Variants in JMJD1C observed in about 807,000 individuals in gnomAD.
JMJD1C encodes the protein jumonji domain containing 1C.
A neutral mutation model predicts 245.3 loss-of-function variants in JMJD1C; 31 were observed. The observed-to-expected ratio is 0.13, with a 90% confidence interval of 0.09 to 0.17. The LOEUF (loss-of-function observed/expected upper bound fraction) is 0.17. Ranked by LOEUF, JMJD1C falls within the 10% of genes least tolerant of loss-of-function variation. The probability of loss-of-function intolerance (pLI) is 1.00; values close to 1 mark genes in which losing one functional copy is unlikely to be tolerated. For missense variants in JMJD1C, 2,691 were observed against 3,000.2 expected (o/e 0.90, Z 2.41); for synonymous variants, 1,057 against 1,017.4 (o/e 1.04, Z -0.74).
intron 3 of JMJD1C, among the ~76,000 whole-genome samples, chr10:63,254,563 AAG>A (rs1853582119): frequency 6.6e-6 from 1 of 152,114 alleles, no homozygotes; most frequent in South Asian, 2.1e-4. Context: ...TTTTTGAGAC[AAG>A]AGTCTCACTT....
chr10:63,404,479 G>A (rs1009198641), intron 1 of JMJD1C, among the ~76,000 whole-genome samples: 41 of 151,980 alleles, frequency 2.7e-4, no homozygotes, highest in Non-Finnish European at 1.5e-4. Flanking sequence ...CCTGAACTCC[G>A]GGGGATCCTT....
intron 1 of JMJD1C, among the ~76,000 whole-genome samples, chr10:63,442,066 G>A (rs1315540837): frequency 6.6e-6 from 1 of 152,160 alleles, no homozygotes; most frequent in East Asian, 1.9e-4. Flanking sequence ...GAGGTAACTG[G>A]TGAGATCTTC....
rs549864004 is a variant in JMJD1C, at chr10:63,457,325, T to C, written c.168+8170A>G. ...TGAAACTTCAAATTAAATCTCAAAA[T>C]GGCAGCTGGTTTCACATGAAGATAA... is the stretch of plus-strand genomic sequence containing the variant. On this transcript the variant is annotated intron_variant, in intron 1 of 25. Coordinates refer to ENST00000399262, the MANE Select transcript of JMJD1C (RefSeq NM_032776.3). Among the ~76,000 whole-genome samples, 48 of 152,292 alleles carry C rather than the reference T, an allele frequency of 3.2e-4. No individual in the cohort carries two copies. The South Asian group carries it at 9.9e-3, about 32-fold the overall frequency.
At chr10:63,353,128 A>G (rs1589558839) in intron 2 of JMJD1C, among the ~76,000 whole-genome samples, 1 of 152,252 alleles carries the variant, frequency 6.6e-6, no homozygotes, top group South Asian at 2.1e-4. Context: ...AATCAAGACC[A>G]TGGGTGTAGA....
At chr10:63,480,112 T>C (rs1255740081) in intron 1 of JMJD1C, among the ~76,000 whole-genome samples, 3 of 152,206 alleles carry the variant, frequency 2.0e-5, no homozygotes, top group Non-Finnish European at 4.4e-5. Context: ...AGAATTACAC[T>C]ATATAGTTAG....
chr10:63,500,472 G>A (rs927012615), intron 1 of JMJD1C, among the ~76,000 whole-genome samples: 3 of 150,948 alleles, frequency 2.0e-5, no homozygotes, highest in South Asian at 2.1e-4. Flanking sequence ...GGTGGCTCAC[G>A]CCTGTAATCC....
rs17850267 is a variant in JMJD1C, at chr10:63,465,726, C to T, written c.-64G>A. ...CGAGGGAACCGATGAAACCTCACTC[C>T]TACCGGCCGCTCATGCTGAGGAGAG... On this transcript the variant is annotated 5_prime_UTR_variant, in exon 1 of 26. The change abolishes the stop of an existing upstream ORF in the 5' untranslated region. Transcript: ENST00000399262. 6.4e-7 allele frequency: 1 copy of T among 1,570,670 alleles called. No homozygotes were observed. The highest frequency in any genetic ancestry group is 8.7e-7 in the Non-Finnish European group (1 of 1,155,818).
At chr10:63,190,794 G>C (rs1844706267) in intron 17 of JMJD1C, 100 bp downstream of exon 17, 2 of 829,858 alleles carry the variant, frequency 2.4e-6, no homozygotes, top group South Asian at 1.5e-5. Flanking sequence ...TGGTACACTT[G>C]ATTTCATCAG....
intron 3 of JMJD1C, among the ~76,000 whole-genome samples, chr10:63,256,326 T>C (rs765916838): frequency 2.6e-5 from 4 of 152,140 alleles, no homozygotes; most frequent in Non-Finnish European, 5.9e-5. Context: ...ACTGGGGTAA[T>C]TTATGGGACC....
At chr10:63,298,741 C>CT (rs1241976937) in intron 2 of JMJD1C, among the ~76,000 whole-genome samples, 11 of 151,454 alleles carry the variant, frequency 7.3e-5, no homozygotes, top group East Asian at 1.9e-4. Context: ...TCATTCTAAT[C>CT]TTTTTTTTTA....
At chr10:63,448,354 A>T (rs909535508) in intron 1 of JMJD1C, among the ~76,000 whole-genome samples, 1 of 152,024 alleles carries the variant, frequency 6.6e-6, no homozygotes, top group Non-Finnish European at 1.5e-5. Context: ...GCGAGGTTTC[A>T]TCATGTTGGC....
chr10:63,277,765 T>A (rs1856964087), intron 2 of JMJD1C, among the ~76,000 whole-genome samples: 1 of 125,006 alleles, frequency 8.0e-6, no homozygotes, highest in Non-Finnish European at 1.6e-5. Context: ...TGAGACAGAG[T>A]CTTGCTCTGT....
rs571640214 is a variant in JMJD1C, at chr10:63,302,240, G to A, written c.334-37476C>T. On this transcript the variant is annotated intron_variant, in intron 2 of 25. Transcript: ENST00000399262. The stretch of plus-strand genomic sequence containing the variant: ...TCTAATACATACAAGAAGAAGCCCT[G>A]TACTCAAGTCATCTCCCACAAATGA... 7.9e-5 allele frequency among the ~76,000 whole-genome samples: 12 copies of A among 152,244 alleles called. No homozygotes were observed. In the South Asian group the frequency reaches 2.5e-3, roughly 32 times the overall value.
intron 1 of JMJD1C, among the ~76,000 whole-genome samples, chr10:63,463,588 A>T (rs1952953286): frequency 6.6e-6 from 1 of 152,232 alleles, no homozygotes; most frequent in South Asian, 2.1e-4. Context: ...AAAATCTGGG[A>T]ATAAATCTAA....
intron 3 of JMJD1C, among the ~76,000 whole-genome samples, chr10:63,239,563 G>A (rs1851226944): frequency 6.6e-6 from 1 of 152,074 alleles, no homozygotes; most frequent in African/African-American, 2.4e-5. Flanking sequence ...TCCTGCCTCA[G>A]CCTCCTGAGT....
intron 2 of JMJD1C, among the ~76,000 whole-genome samples, chr10:63,350,563 G>A (rs1009339719): frequency 6.6e-5 from 10 of 151,672 alleles, no homozygotes; most frequent in African/African-American, 2.2e-4. Context: ...TAGAATTACA[G>A]AGGGAGTTAA....
At chr10:63,370,227 A>G (rs1046775711) in intron 2 of JMJD1C, among the ~76,000 whole-genome samples, 7 of 152,326 alleles carry the variant, frequency 4.6e-5, no homozygotes, top group Admixed American at 2.6e-4. Context: ...ACAGCTCTCA[A>G]TGAGTTATAT....
rs767274927 is a variant in JMJD1C, at chr10:63,206,913, A to T, written c.4756T>A (p.Leu1586Ile). ...SEIIKPCSVN[L>I]IASTSSDIQN... Reference sequence around the variant, plus strand: ...ATATCACTAGATGTAGAGGCTATTAAGTTGACAGAACATGGCTTAATAATT... The same window carrying T: ...ATATCACTAGATGTAGAGGCTATTATGTTGACAGAACATGGCTTAATAATT... Residue 1586 changes from leucine (L) to isoleucine (I), a missense_variant, in exon 10 of 26, where the codon TTA becomes ATA. Leu to Ile is a conservative substitution (Grantham distance 5). Transcript: ENST00000399262. 6.2e-7 allele frequency: 1 copy of T among 1,611,290 alleles called. No homozygotes were observed. The highest frequency in any genetic ancestry group is 1.1e-5 in the South Asian group (1 of 90,768).
chr10:63,181,019 C>T (rs1035068891), intron 22 of JMJD1C, among the ~76,000 whole-genome samples: 13 of 152,088 alleles, frequency 8.5e-5, no homozygotes, highest in African/African-American at 1.2e-4. Context: ...CCGCCCGCCT[C>T]GGCCTCCCAA....
Sources: allele counts gnomAD v4.1 joint callset (sites outside exome capture counted in the v4.1 genomes callset), GRCh38; gene constraint gnomAD v4.1.1; transcripts MANE v1.5; gene names NCBI Gene and HGNC (gene_info 2026-07-23, HGNC 2026-07-21).